Variants in GRIN1 observed in about 807,000 individuals in gnomAD.
GRIN1 encodes the protein glutamate ionotropic receptor NMDA type subunit 1, also known as glutamate receptor ionotropic, NMDA 1.
A neutral mutation model predicts 103.0 loss-of-function variants in GRIN1; 38 were observed. The ratio of observed to expected loss-of-function variants is 0.37; its 90% CI spans 0.28 to 0.48. GRIN1 has a LOEUF of 0.48. Ranked by LOEUF, GRIN1 falls within the 20% of genes least tolerant of loss-of-function variation. The probability of loss-of-function intolerance (pLI) is 0.98; values close to 1 mark genes in which losing one functional copy is unlikely to be tolerated. For synonymous variants in GRIN1, 544 were observed against 532.7 expected, an observed-to-expected ratio of 1.02 and a Z score of -0.29; for missense variants, 577 against 1,288.9, an observed-to-expected ratio of 0.45 and a Z score of 8.46.
chr9:137,153,402 G>C (rs1203313348), intron 4 of GRIN1, among the ~76,000 whole-genome samples: 2 of 147,982 alleles, frequency 1.4e-5, no homozygotes, highest in Non-Finnish European at 3.0e-5. Context: ...CACACCACAT[G>C]CTCCATGCAT....
rs893507261 is a variant in GRIN1 at position 137,168,624 on chromosome 9, C to G, written c.*1097C>G. On this transcript the variant is annotated 3_prime_UTR_variant, in exon 20 of 20. Transcript: ENST00000371561. ...TGTACAGAACCAGCACTCCCAGGGCCCGAGCGCGTGCCTTCCCCGTGCGGC... is the reference window on the plus strand; with the variant it reads ...TGTACAGAACCAGCACTCCCAGGGCGCGAGCGCGTGCCTTCCCCGTGCGGC... 77 of 344,982 alleles carry G rather than the reference C, an allele frequency of 2.2e-4. No homozygotes were observed. The highest frequency in any genetic ancestry group is 3.9e-4 in the Non-Finnish European group (76 of 194,874). The allele number at this position is 344,982 out of a possible 1,614,324, so 21.4% of individuals were successfully genotyped here.
At chr9:137,154,432 C>CTTTTTTTTTT (rs543160973) in intron 4 of GRIN1, among the ~76,000 whole-genome samples, 2 of 42,960 alleles carry the variant, frequency 4.7e-5, no homozygotes, top group Admixed American at 3.5e-4. Context: ...GCTCCAACAA[C>CTTTTTTTTTT]TTTTTTTTTT....
At position 137,163,015 on chromosome 9, in the gene GRIN1, G is replaced by A. The variant is rs1027987128; in HGVS notation, c.2171+12G>A. On this transcript the variant is annotated intron_variant, in intron 15 of 19. Transcript: ENST00000371561. Reference sequence around the variant, plus strand: ...GCCGTGAGAGACAAGTGAGGCGCGGGCGGCCACCCTGGCGGGGCGGGACAG... The same window carrying A: ...GCCGTGAGAGACAAGTGAGGCGCGGACGGCCACCCTGGCGGGGCGGGACAG... 1 of 1,584,610 alleles carries A rather than the reference G, an allele frequency of 6.3e-7. No homozygotes were observed. The highest frequency in any genetic ancestry group is 1.3e-5 in the African/African-American group (1 of 74,552).
intron 16 of GRIN1, 85 bp from the exon 17 acceptor site, chr9:137,163,474 A>AGGCCCCGCCCC (rs979856924): frequency 1.5e-5 from 21 of 1,361,044 alleles, no homozygotes; most frequent in Non-Finnish European, 2.2e-5. Context: ...CCTACCCCGC[A>AGGCCCCGCCCC]GGCCCCGCCC....
chr9:137,139,480 C>T lies in GRIN1; in HGVS notation c.-7C>T. 1 of 1,569,990 alleles carries T rather than the reference C, an allele frequency of 6.4e-7. No homozygotes were observed. Among genetic ancestry groups the T allele is most frequent in the Non-Finnish European group, 8.6e-7 (1 of 1,157,586 alleles). ...GCCGCGCAGAGCCAGGCCCGCGGCCCGAGCCCATGAGCACCATGCGCCTGC... is the reference window on the plus strand; with the variant it reads ...GCCGCGCAGAGCCAGGCCCGCGGCCTGAGCCCATGAGCACCATGCGCCTGC... On this transcript the variant is annotated 5_prime_UTR_variant, in exon 1 of 20. Coordinates refer to ENST00000371561, the MANE Select transcript of GRIN1 (RefSeq NM_007327.4). This position sits in a 1 kb window ranked among gnomAD's most constrained non-coding sequence, Gnocchi z 7.7.
chr9:137,165,038 T>C (rs571485451), intron 18 of GRIN1, 148 bp from the exon 19 acceptor site: 3 of 728,312 alleles, frequency 4.1e-6, no homozygotes, highest in African/African-American at 3.5e-5. Context: ...GAACGTCCGC[T>C]GTCGGCCCGT....
intron 19 of GRIN1, 91 bp downstream of exon 19, chr9:137,165,387 G>T (rs1239146763): frequency 1.2e-6 from 1 of 834,552 alleles, no homozygotes; most frequent in Non-Finnish European, 2.1e-6. Flanking sequence ...CCGGACCCTG[G>T]GCTCCTGTGG....
At chr9:137,144,372 T>C (rs751239261) in intron 2 of GRIN1, among the ~76,000 whole-genome samples, 5 of 138,826 alleles carry the variant, frequency 3.6e-5, no homozygotes, top group East Asian at 2.3e-4. Context: ...GTCCCCAGGT[T>C]GGCCGGGCGC....
chr9:137,156,542 C>A, intron 4 of GRIN1, 127 bp from the exon 5 acceptor site: 1 of 1,368,062 alleles, frequency 7.3e-7, no homozygotes. Flanking sequence ...GCGAGGTCTG[C>A]AGGCTTCGCT....
intron 4 of GRIN1, among the ~76,000 whole-genome samples, chr9:137,154,544 C>T (rs1833108773): frequency 6.7e-6 from 1 of 149,590 alleles, no homozygotes; most frequent in Admixed American, 6.7e-5. Flanking sequence ...ACCTCCGCCT[C>T]CCAGATTCAA....
At chr9:137,140,026 A>G (rs934828892) in intron 1 of GRIN1, among the ~76,000 whole-genome samples, 3 of 151,592 alleles carry the variant, frequency 2.0e-5, no homozygotes, top group African/African-American at 7.3e-5. Context: ...GTGGGGCTGG[A>G]GTGTGTCAGT....
chr9:137,161,932 C>T lies in GRIN1; in HGVS notation c.1476C>T (p.Asn492=). 1.9e-6 allele frequency: 3 copies of T among 1,561,640 alleles called. No homozygotes were observed. The highest frequency in any genetic ancestry group is 2.6e-6 in the Non-Finnish European group (3 of 1,153,258). The change falls in exon 11 of 20, where the codon AAC becomes AAT. Residue 492 remains asparagine (N), a synonymous_variant. Transcript: ENST00000371561. ...GKFGTQERVN[N]SNKKEWNGMM... The stretch of plus-strand genomic sequence containing the variant: ...GCTCTGTCGCCTCGCAGGTGAACAA[C>T]AGCAACAAGAAGGAGTGGAATGGGA...
intron 8 of GRIN1, among the ~76,000 whole-genome samples, chr9:137,159,891 C>T (rs1356269397): frequency 3.3e-5 from 5 of 152,316 alleles, no homozygotes; most frequent in East Asian, 3.9e-4. Context: ...ACCACCCCCA[C>T]GCCTCCCTGC....
intron 18 of GRIN1, 168 bp downstream of exon 18, chr9:137,164,072 C>G: frequency 1.2e-6 from 1 of 820,182 alleles, no homozygotes; most frequent in Non-Finnish European, 2.0e-6. Flanking sequence ...GGGGCAGCAC[C>G]GGTGGGGGGC....
intron 19 of GRIN1, 60 bp from the exon 20 acceptor site, chr9:137,167,351 G>A (rs1833936404): frequency 3.7e-5 from 49 of 1,332,708 alleles, no homozygotes; most frequent in Non-Finnish European, 5.1e-5. Flanking sequence ...GGCGCTGAGG[G>A]CTGGGGTCCC....
At position 137,146,810 on chromosome 9, in the gene GRIN1, C is replaced by G. The variant is rs191781683; in HGVS notation, c.570+908C>G. ...TGTTTCGTGTCAGAGCTGGCTTCATCGGACTTAGGGCCAACCTAGCACCCC... is the reference window on the plus strand; with the variant it reads ...TGTTTCGTGTCAGAGCTGGCTTCATGGGACTTAGGGCCAACCTAGCACCCC... On this transcript the variant is annotated intron_variant, in intron 3 of 19. Transcript: ENST00000371561. This position sits in a 1 kb window ranked among gnomAD's most constrained non-coding sequence, Gnocchi z 6.7. Among the ~76,000 whole-genome samples, 18 of 152,254 alleles carry G rather than the reference C, an allele frequency of 1.2e-4. No individual in the cohort carries two copies. Among genetic ancestry groups the G allele is most frequent in the Admixed American group, 3.3e-4 (5 of 15,300 alleles).
At chr9:137,141,969 G>T (rs1188674715) in intron 1 of GRIN1, 44 bp from the exon 2 acceptor site, 2 of 1,612,164 alleles carry the variant, frequency 1.2e-6, no homozygotes, top group Non-Finnish European at 1.7e-6. Flanking sequence ...CCCAGTGCCT[G>T]GCTCACCCCT....
intron 2 of GRIN1, among the ~76,000 whole-genome samples, chr9:137,144,559 G>A (rs997893881): frequency 1.3e-5 from 2 of 151,956 alleles, no homozygotes; most frequent in East Asian, 1.9e-4. Flanking sequence ...GGAGGCTGAG[G>A]CAGGAGAATG....
intron 10 of GRIN1, 141 bp downstream of exon 10, chr9:137,161,557 G>C (rs1276656926): frequency 1.3e-6 from 1 of 791,854 alleles, no homozygotes; most frequent in East Asian, 2.7e-5. Flanking sequence ...CGGAGCCTGC[G>C]GGCTGGGTCC....
Sources: gnomAD v4.1 joint callset for allele counts (sites outside exome capture counted in the v4.1 genomes callset) on GRCh38, gnomAD v4.1.1 for gene constraint, Gnocchi (gnomAD v3.1) non-coding constraint, MANE v1.5 for transcripts, NCBI Gene and HGNC (gene_info 2026-07-23, HGNC 2026-07-21) for gene names.